The following KIF26B variants were observed in gnomAD, a reference collection of about 807,000 sequenced individuals.
KIF26B encodes kinesin-like protein KIF26B.
In KIF26B, 63 loss-of-function variants were observed where a neutral mutation model predicts 151.2. The ratio of observed to expected loss-of-function variants is 0.42; its 90% CI spans 0.34 to 0.51. The LOEUF is 0.51. Ranked by LOEUF, KIF26B falls within the 20% of genes least tolerant of loss-of-function variation. The probability of loss-of-function intolerance (pLI) is 0.07; values close to 1 mark genes in which losing one functional copy is unlikely to be tolerated. For synonymous variants in KIF26B, 1,357 were observed against 1,262.1 expected, an observed-to-expected ratio of 1.08 and a Z score of -1.59; for missense variants, 2,813 against 2,913.6, an observed-to-expected ratio of 0.97 and a Z score of 0.79.
chr1:245,664,596 T>C (rs939193469), intron 10 of KIF26B, among the ~76,000 whole-genome samples: 1 of 152,210 alleles, frequency 6.6e-6, no homozygotes, highest in African/African-American at 2.4e-5. Flanking sequence ...CCGTCTATAT[T>C]GGTGAACCTA....
intron 4 of KIF26B, among the ~76,000 whole-genome samples, chr1:245,470,141 G>C (rs1659879172): frequency 6.6e-6 from 1 of 152,042 alleles, no homozygotes; most frequent in Non-Finnish European, 1.5e-5. Context: ...AGGACGTGTT[G>C]GGAAGATGGG....
chr1:245,205,239 G>A (rs149756078), intron 2 of KIF26B, among the ~76,000 whole-genome samples: 3 of 152,264 alleles, frequency 2.0e-5, no homozygotes, highest in African/African-American at 4.8e-5. Context: ...GTATGACATC[G>A]TGTTAAAAAG....
chr1:245,331,955 A>T (rs1672123658), intron 2 of KIF26B, among the ~76,000 whole-genome samples: 1 of 151,946 alleles, frequency 6.6e-6, no homozygotes, highest in African/African-American at 2.4e-5. Flanking sequence ...GCAAAACCCC[A>T]TCTCTACTAT....
intron 4 of KIF26B, among the ~76,000 whole-genome samples, chr1:245,518,185 T>G (rs1349312711): frequency 6.6e-6 from 1 of 152,174 alleles, no homozygotes. Context: ...CATGTAATTT[T>G]ATTCATATTT....
At chr1:245,188,688 A>G (rs1166548985) in intron 2 of KIF26B, among the ~76,000 whole-genome samples, 1 of 152,254 alleles carries the variant, frequency 6.6e-6, no homozygotes, top group Non-Finnish European at 1.5e-5. Context: ...GGAATTACAT[A>G]TGATTCAGCA....
chr1:245,411,670 C>T (rs528791815), intron 3 of KIF26B, among the ~76,000 whole-genome samples: 1 of 152,296 alleles, frequency 6.6e-6, no homozygotes, highest in South Asian at 2.1e-4. Context: ...ACATCTGCTC[C>T]TTAGAGGGAG....
At chr1:245,385,748 T>C (rs997908576) in intron 3 of KIF26B, among the ~76,000 whole-genome samples, 3 of 152,194 alleles carry the variant, frequency 2.0e-5, no homozygotes, top group African/African-American at 7.2e-5. Context: ...CCACGTGTAC[T>C]CAGGCAGGTA....
At chr1:245,537,116 A>T (rs1360279992) in intron 4 of KIF26B, among the ~76,000 whole-genome samples, 1 of 152,202 alleles carries the variant, frequency 6.6e-6, no homozygotes, top group East Asian at 1.9e-4. Context: ...GTCTGCCATG[A>T]TGGGCAAGGT....
intron 2 of KIF26B, among the ~76,000 whole-genome samples, chr1:245,190,629 G>GTTTTTTTTTT (rs768099890): frequency 5.0e-5 from 4 of 80,094 alleles, no homozygotes; most frequent in African/African-American, 1.3e-4. Flanking sequence ...TTCCCTGAAT[G>GTTTTTTTTTT]TTTTGTTTTG....
chr1:245,662,289 T>C (rs943695130), intron 10 of KIF26B, among the ~76,000 whole-genome samples: 2 of 149,894 alleles, frequency 1.3e-5, no homozygotes, highest in African/African-American at 4.9e-5. Flanking sequence ...CAATGATATA[T>C]ATACTCACAC....
chr1:245,472,389 T>C (rs557931734), intron 4 of KIF26B, among the ~76,000 whole-genome samples: 3 of 152,218 alleles, frequency 2.0e-5, no homozygotes, highest in African/African-American at 4.8e-5. Context: ...ATCTGAAATA[T>C]CCCTTATTCA....
At chr1:245,680,886 CAT>C (rs374388644) in intron 10 of KIF26B, among the ~76,000 whole-genome samples, 174 of 152,306 alleles carry the variant, frequency 1.1e-3, no homozygotes, top group African/African-American at 3.9e-3. Context: ...ATATCGTGCA[CAT>C]GTGTCCTTTT....
At chr1:245,232,675 C>T (rs1025688262) in intron 2 of KIF26B, among the ~76,000 whole-genome samples, 9 of 151,926 alleles carry the variant, frequency 5.9e-5, no homozygotes, top group East Asian at 3.9e-4. Flanking sequence ...CTTAGCCTCC[C>T]GAGTAGCTGG....
At chr1:245,590,227 G>A (rs577413038) in intron 5 of KIF26B, among the ~76,000 whole-genome samples, 181 of 151,666 alleles carry the variant, frequency 1.2e-3, no homozygotes, top group African/African-American at 4.2e-3. Flanking sequence ...CAGGGGTCGG[G>A]GCCCCTGGCC....
At chr1:245,230,657 C>T (rs1374637854) in intron 2 of KIF26B, among the ~76,000 whole-genome samples, 1 of 151,732 alleles carries the variant, frequency 6.6e-6, no homozygotes, top group African/African-American at 2.4e-5. Context: ...GCAGGAGAAT[C>T]GCTTGAACCC....
chr1:245,527,265 A>G (rs1661256257), intron 4 of KIF26B, among the ~76,000 whole-genome samples: 1 of 152,222 alleles, frequency 6.6e-6, no homozygotes, highest in African/African-American at 2.4e-5. Context: ...AAACTAGAAA[A>G]GATATACGTA....
intron 2 of KIF26B, among the ~76,000 whole-genome samples, chr1:245,220,959 C>T (rs969604749): frequency 6.6e-6 from 1 of 152,190 alleles, no homozygotes; most frequent in Middle Eastern, 3.4e-3. Context: ...GGAGCAGGCC[C>T]CAGGGATTAC....
chr1:245,530,036 G>A (rs965550173), intron 4 of KIF26B, among the ~76,000 whole-genome samples: 2 of 152,106 alleles, frequency 1.3e-5, no homozygotes, highest in South Asian at 2.1e-4. Context: ...GACATTTCTC[G>A]AAAGAAGACA....
intron 2 of KIF26B, among the ~76,000 whole-genome samples, chr1:245,178,490 T>C (rs1294390251): frequency 6.6e-6 from 1 of 152,190 alleles, no homozygotes; most frequent in Non-Finnish European, 1.5e-5. Context: ...TAGCATAAAA[T>C]TTCCCATGTT....
Sources: allele counts gnomAD v4.1 joint callset (sites outside exome capture counted in the v4.1 genomes callset), GRCh38; gene constraint gnomAD v4.1.1; transcripts MANE v1.5; gene names NCBI Gene and HGNC (gene_info 2026-07-23, HGNC 2026-07-21).